Variants in RNH1 observed in about 807,000 individuals in gnomAD.
The protein encoded by RNH1 is ribonuclease/angiogenin inhibitor 1, also known as ribonuclease inhibitor.
In RNH1, 38 loss-of-function variants were observed where a neutral mutation model predicts 46.1. The ratio of observed to expected loss-of-function variants is 0.82; its 90% CI spans 0.64 to 1.08. The LOEUF is 1.08. RNH1 is among the 50% of genes least tolerant of loss of function. The pLI is 0.00. For synonymous variants in RNH1, 319 were observed against 279.1 expected, an observed-to-expected ratio of 1.14 and a Z score of -1.43; for missense variants, 577 against 590.7, an observed-to-expected ratio of 0.98 and a Z score of 0.24.
chr11:495,364 C>T (rs777544508), intron 9 of RNH1, among the ~76,000 whole-genome samples: 11 of 152,294 alleles, frequency 7.2e-5, no homozygotes, highest in Non-Finnish European at 1.2e-4. Flanking sequence ...ACCTCGACAC[C>T]GTCTGGCTGC....
chr11:500,895 G>A (rs990559066), intron 3 of RNH1: 32 of 605,574 alleles, frequency 5.3e-5, no homozygotes, highest in South Asian at 6.8e-5. Context: ...TTGGGAGGCC[G>A]AGGCAGGCAG....
At chr11:496,209 G>T (rs1227943950) in intron 9 of RNH1, among the ~76,000 whole-genome samples, 1 of 151,212 alleles carries the variant, frequency 6.6e-6, no homozygotes, top group East Asian at 1.9e-4. Flanking sequence ...AGTGAACAAA[G>T]AGAGCTTGAA....
rs777101994 is a variant in RNH1 at position 498,753 on chromosome 11, G to T, written c.785+10C>A. The T allele has an allele frequency of 6.3e-7, 1 of 1,594,056 alleles. No individual in the cohort carries two copies. Among genetic ancestry groups the T allele is most frequent in the South Asian group, 1.1e-5 (1 of 90,398 alleles). On this transcript the variant is annotated intron_variant, in intron 7 of 10. Coordinates refer to ENST00000354420, the MANE Select transcript of RNH1 (RefSeq NM_203387.3). ...CCCTCCGGGAAGGAGGCCTCGCGGA[G>T]ATGACTCACCACAGGGTCCTGAGCC...
Position 499,080 on chromosome 11 carries a change from A to G in RNH1, c.549T>C (p.Asn183=), listed in dbSNP as rs1329551485. The change falls in exon 6 of 11, where the codon AAT becomes AAC. Residue 183 remains asparagine (N), a synonymous_variant. Transcript: ENST00000354420. ...KELTVSNNDI[N]EAGVRVLCQG... ...GGCACAGCACACGGACGCCAGCCTC[A>G]TTGATGTCGTTGTTGCTAACCGTGA... 1 of 1,613,314 alleles carries G rather than the reference A, an allele frequency of 6.2e-7. No homozygotes were observed. Among genetic ancestry groups the G allele is most frequent in the Non-Finnish European group, 8.5e-7 (1 of 1,179,926 alleles).
intron 1 of RNH1, chr11:506,388 A>C (rs1248716377): frequency 6.6e-6 from 1 of 152,180 alleles, no homozygotes; most frequent in African/African-American, 2.4e-5. Flanking sequence ...TCGCCCAGTA[A>C]CACGACGTGC....
rs759085157 is a variant in RNH1 at position 499,846 on chromosome 11, G to A, written c.426C>T (p.Cys142=). ...AAACTCACTGCAGCTTTTCCAGGCG[G>A]CACTGGGGGTCCAGGAGTCCTTCGC... The part of the protein sequence containing the change: ...LLCEGLLDPQ[C]RLEKLQLEYC... The change falls in exon 5 of 11, where the codon TGC becomes TGT. Residue 142 remains cysteine (C), a synonymous_variant. Coordinates refer to ENST00000354420, the MANE Select transcript of RNH1 (RefSeq NM_203387.3). 1 of 1,609,344 alleles carries A rather than the reference G, an allele frequency of 6.2e-7. No individual in the cohort carries two copies. Among genetic ancestry groups the A allele is most frequent in the South Asian group, 1.1e-5 (1 of 90,612 alleles).
At position 502,097 on chromosome 11, in the gene RNH1, C is replaced by G. The variant is rs1436194415; in HGVS notation, c.66G>C (p.Glu22Asp). The change falls in exon 3 of 11, where the codon GAG becomes GAC. Residue 22 changes from glutamate to aspartate, a missense_variant. Coordinates refer to ENST00000354420, the MANE Select transcript of RNH1 (RefSeq NM_203387.3). The surrounding 1 kb of genome is among the most constrained non-coding windows in gnomAD (Gnocchi z 5.8). ...GGCACTGCTGGAGCAGAGGGAGGAGCTCGGCCCATCTAGCGTCGCTCAGCT... is the reference window on the plus strand; with the variant it reads ...GGCACTGCTGGAGCAGAGGGAGGAGGTCGGCCCATCTAGCGTCGCTCAGCT... The part of the protein sequence containing the change: ...CEELSDARWA[E>D]LLPLLQQCQV... 1.9e-6 allele frequency: 3 copies of G among 1,612,302 alleles called. No individual in the cohort carries two copies. The highest frequency in any genetic ancestry group is 2.5e-6 in the Non-Finnish European group (3 of 1,179,592).
chr11:496,507 A>G (rs979696352), intron 9 of RNH1, among the ~76,000 whole-genome samples: 22 of 152,200 alleles, frequency 1.4e-4, no homozygotes, highest in African/African-American at 5.1e-4. Context: ...ATCTCTACTA[A>G]AAGTACAAAA....
At position 495,068 on chromosome 11, in the gene RNH1, G is replaced by A. The variant is rs778005882; in HGVS notation, c.1128-15C>T. The A allele has an allele frequency of 7.5e-6, 12 of 1,599,796 alleles. No individual in the cohort carries two copies. The Admixed American group carries it at 1.4e-4, about 18-fold the overall frequency. On this transcript the variant is annotated splice_polypyrimidine_tract_variant and intron_variant, in intron 9 of 10. Transcript: ENST00000354420. Reference sequence around the variant, plus strand: ...AGTCGGCCAACCTGGGTGAAGCAGGGCGGGGGTCAGGGTGCCGGGCGTGCC... The same window carrying A: ...AGTCGGCCAACCTGGGTGAAGCAGGACGGGGGTCAGGGTGCCGGGCGTGCC...
chr11:499,519 G>C, intron 5 of RNH1: 1 of 697,400 alleles, frequency 1.4e-6, no homozygotes, highest in Non-Finnish European at 2.6e-6. Flanking sequence ...CACACACTGA[G>C]GCGGTGAGTG....
chr11:500,027 C>T, intron 4 of RNH1, 28 bp from the exon 5 acceptor site: 1 of 1,510,426 alleles, frequency 6.6e-7, no homozygotes. Context: ...GTCAGCAGGG[C>T]TCCCCTGAGC....
At chr11:504,058 C>T (rs1361472614) in intron 2 of RNH1, among the ~76,000 whole-genome samples, 2 of 152,372 alleles carry the variant, frequency 1.3e-5, no homozygotes, top group African/African-American at 2.4e-5. Context: ...GAGGCCCTAA[C>T]GGTCCCTTAT....
intron 4 of RNH1, 137 bp from the exon 5 acceptor site, chr11:500,136 G>A (rs1849609441): frequency 9.5e-7 from 1 of 1,055,838 alleles, no homozygotes; most frequent in Non-Finnish European, 1.3e-6. Context: ...GGGGCTCTGG[G>A]GTCTGGGGTC....
At chr11:498,434 C>A in intron 8 of RNH1, 23 bp downstream of exon 8, 1 of 1,609,544 alleles carries the variant, frequency 6.2e-7, no homozygotes, top group Non-Finnish European at 8.5e-7. Flanking sequence ...GCGACAGGGC[C>A]CTGCCCCGAC....
intron 9 of RNH1, among the ~76,000 whole-genome samples, chr11:497,080 G>A (rs903321992): frequency 2.7e-5 from 4 of 149,052 alleles, no homozygotes; most frequent in African/African-American, 5.0e-5. Flanking sequence ...ATGGACACTC[G>A]TGCTCACTCT....
intron 9 of RNH1, among the ~76,000 whole-genome samples, chr11:497,700 C>T (rs1436901559): frequency 6.6e-6 from 1 of 151,930 alleles, no homozygotes; most frequent in Non-Finnish European, 1.5e-5. Flanking sequence ...CACACACGGA[C>T]ACTCGTGCTC....
intron 9 of RNH1, among the ~76,000 whole-genome samples, chr11:497,397 GCTCTCA>G (rs1849231536): frequency 7.9e-6 from 1 of 126,810 alleles, no homozygotes; most frequent in Admixed American, 8.4e-5. Flanking sequence ...GGACACTCGT[GCTCTCA>G]CCCATGTGCT....
At chr11:497,049 C>T (rs1849145569) in intron 9 of RNH1, among the ~76,000 whole-genome samples, 1 of 152,166 alleles carries the variant, frequency 6.6e-6, no homozygotes, top group South Asian at 2.1e-4. Context: ...CCCTCACTCT[C>T]GCCCATGTGC....
chr11:495,155 C>G (rs763273576), intron 9 of RNH1, 102 bp from the exon 10 acceptor site: 2 of 1,242,944 alleles, frequency 1.6e-6, no homozygotes, highest in African/African-American at 3.0e-5. Context: ...CACCTGTGCT[C>G]GGCAACTCAG....
Sources: allele counts gnomAD v4.1 joint callset (sites outside exome capture counted in the v4.1 genomes callset), GRCh38; gene constraint gnomAD v4.1.1; non-coding constraint Gnocchi (gnomAD v3.1); transcripts MANE v1.5; gene names NCBI Gene and HGNC (gene_info 2026-07-23, HGNC 2026-07-21).